The following EPHB1 variants were observed in gnomAD, a reference collection of about 807,000 sequenced individuals.
The protein encoded by EPHB1 is ephrin type-B receptor 1.
Under a neutral mutation model 94.4 loss-of-function variants are expected in EPHB1, and 30 were observed. The ratio of observed to expected loss-of-function variants is 0.32; its 90% CI spans 0.24 to 0.43. The LOEUF is 0.43. Ranked by LOEUF, EPHB1 falls within the 20% of genes least tolerant of loss-of-function variation. EPHB1 has a pLI of 1.00. For synonymous variants in EPHB1, 522 were observed against 489.1 expected (o/e 1.07, Z -0.89); for missense variants, 1,055 against 1,308.3 (o/e 0.81, Z 2.99).
intron 15 of EPHB1, among the ~76,000 whole-genome samples, chr3:135,252,771 G>C (rs1270762570): frequency 7.1e-6 from 1 of 140,078 alleles, no homozygotes; most frequent in Non-Finnish European, 1.6e-5. Context: ...TCCAGTTCTA[G>C]ATCCCTGAGG....
At chr3:134,964,313 C>CT (rs1339814558) in intron 3 of EPHB1, among the ~76,000 whole-genome samples, 1 of 152,206 alleles carries the variant, frequency 6.6e-6, no homozygotes, top group African/African-American at 2.4e-5. Flanking sequence ...GAGGCCTTGT[C>CT]TGTCTGTTGT....
intron 12 of EPHB1, among the ~76,000 whole-genome samples, chr3:135,232,397 G>A (rs559575898): frequency 6.6e-6 from 1 of 152,212 alleles, no homozygotes; most frequent in Non-Finnish European, 1.5e-5. Flanking sequence ...GTGTGAACTT[G>A]TCTACAATGG....
chr3:134,795,597 C>A lies in EPHB1; in HGVS notation c.-35C>A, dbSNP rs763513512. 3.1e-6 allele frequency: 5 copies of A among 1,598,818 alleles called. No homozygotes were observed. The highest frequency in any genetic ancestry group is 4.3e-6 in the Non-Finnish European group (5 of 1,173,290). Reference sequence around the variant, plus strand: ...CGGCGCTCTCCCGGCGCTGCTGCCTCGGCTTGGTCTCGGCCTGCGGGCCGT... The same window carrying A: ...CGGCGCTCTCCCGGCGCTGCTGCCTAGGCTTGGTCTCGGCCTGCGGGCCGT... On this transcript the variant is annotated 5_prime_UTR_variant, in exon 1 of 16. Transcript: ENST00000398015.
intron 3 of EPHB1, among the ~76,000 whole-genome samples, chr3:135,051,295 T>C (rs997401099): frequency 2.0e-5 from 3 of 152,192 alleles, no homozygotes; most frequent in Non-Finnish European, 2.9e-5. Context: ...ACAAGCTAGA[T>C]TGGCAGGGTC....
intron 9 of EPHB1, among the ~76,000 whole-genome samples, chr3:135,178,224 A>AGTGGGG (rs1553744895): frequency 7.2e-6 from 1 of 139,422 alleles, no homozygotes; most frequent in African/African-American, 3.0e-5. Flanking sequence ...GAGGCCGGGG[A>AGTGGGG]GGGGGGGTGG....
chr3:135,161,531 A>C (rs753792460), intron 6 of EPHB1, among the ~76,000 whole-genome samples: 3 of 152,308 alleles, frequency 2.0e-5, no homozygotes, highest in Non-Finnish European at 2.9e-5. Context: ...GTGATGTAGA[A>C]CAGGCACTTT....
chr3:135,013,614 G>A (rs1935693128), intron 3 of EPHB1, among the ~76,000 whole-genome samples: 1 of 152,184 alleles, frequency 6.6e-6, no homozygotes, highest in South Asian at 2.1e-4. Flanking sequence ...ACTTTCAGTG[G>A]TTTATAGTCC....
intron 1 of EPHB1, among the ~76,000 whole-genome samples, chr3:134,879,658 A>G (rs2037688735): frequency 6.6e-6 from 1 of 152,086 alleles, no homozygotes; most frequent in Admixed American, 6.6e-5. Context: ...TCTCCAAATA[A>G]ATAAATAAAT....
chr3:135,006,755 A>C (rs1028824825), intron 3 of EPHB1, among the ~76,000 whole-genome samples: 3 of 152,234 alleles, frequency 2.0e-5, no homozygotes, highest in African/African-American at 7.2e-5. Context: ...TATACGGTAC[A>C]TTCCCAGAAA....
chr3:135,105,191 A>G (rs2107798439), intron 3 of EPHB1, among the ~76,000 whole-genome samples: 1 of 152,360 alleles, frequency 6.6e-6, no homozygotes, highest in Middle Eastern at 3.4e-3. Context: ...CTATAAGTAG[A>G]AACCATTATA....
chr3:135,038,797 T>G (rs1359561273), intron 3 of EPHB1, among the ~76,000 whole-genome samples: 1 of 150,260 alleles, frequency 6.7e-6, no homozygotes, highest in South Asian at 2.1e-4. Context: ...GTAGCAAGAT[T>G]TATTGCAAAG....
chr3:135,121,003 A>G (rs1192281943), intron 4 of EPHB1, among the ~76,000 whole-genome samples: 1 of 152,172 alleles, frequency 6.6e-6, no homozygotes. Flanking sequence ...GTTCCATCCT[A>G]TCTGCATGCA....
chr3:135,192,436 A>G lies in EPHB1; in HGVS notation c.1883-140A>G. 5 of 899,352 alleles carry G rather than the reference A, an allele frequency of 5.6e-6. No individual in the cohort carries two copies. In the South Asian group the frequency reaches 7.3e-5, roughly 13 times the overall value. 55.7% of individuals were successfully genotyped at this position (899,352 alleles called of 1,614,324 possible). A position where few individuals can be genotyped will look rare whatever the true frequency, so the allele number is the denominator to read the frequency against. On this transcript the variant is annotated intron_variant, in intron 10 of 15. Coordinates refer to ENST00000398015, the MANE Select transcript of EPHB1 (RefSeq NM_004441.5). The stretch of plus-strand genomic sequence containing the variant: ...GTTACAGCCAAAACAATATAGTTAC[A>G]ATGAGAGAAGACTGTTTTAATTTCC...
intron 3 of EPHB1, among the ~76,000 whole-genome samples, chr3:135,008,195 T>G (rs946839613): frequency 8.5e-5 from 13 of 152,226 alleles, no homozygotes; most frequent in African/African-American, 3.1e-4. Context: ...GGAGGCTGGT[T>G]GCATTCAGAC....
intron 6 of EPHB1, among the ~76,000 whole-genome samples, chr3:135,157,930 G>A (rs965416621): frequency 2.0e-5 from 3 of 152,136 alleles, no homozygotes; most frequent in African/African-American, 7.2e-5. Flanking sequence ...AACATTAAAT[G>A]ACTTACCCAT....
At chr3:135,076,031 G>C (rs1576364863) in intron 3 of EPHB1, among the ~76,000 whole-genome samples, 1 of 152,164 alleles carries the variant, frequency 6.6e-6, no homozygotes, top group East Asian at 1.9e-4. Context: ...GGAAAAACAA[G>C]ATTACCTCAC....
intron 1 of EPHB1, among the ~76,000 whole-genome samples, chr3:134,874,433 C>T (rs745497394): frequency 8.5e-5 from 13 of 152,192 alleles, no homozygotes; most frequent in Non-Finnish European, 1.5e-4. Flanking sequence ...CCATGACACA[C>T]GTATACTGCA....
intron 1 of EPHB1, among the ~76,000 whole-genome samples, chr3:134,815,717 G>C (rs981173403): frequency 6.6e-6 from 1 of 152,224 alleles, no homozygotes; most frequent in East Asian, 1.9e-4. Flanking sequence ...GCTGTTTAAT[G>C]TAGCTATTTT....
chr3:134,940,995 A>G (rs1408278025), intron 2 of EPHB1, among the ~76,000 whole-genome samples: 4 of 152,204 alleles, frequency 2.6e-5, no homozygotes, highest in Non-Finnish European at 5.9e-5. Flanking sequence ...AGCCTATTTC[A>G]ATTATTTCTA....
Sources: allele counts gnomAD v4.1 joint callset (sites outside exome capture counted in the v4.1 genomes callset), GRCh38; gene constraint gnomAD v4.1.1; transcripts MANE v1.5; gene names NCBI Gene and HGNC (gene_info 2026-07-23, HGNC 2026-07-21).